HTRA3: variants seen among roughly 807,000 people sequenced by gnomAD.
HTRA3 encodes the protein HtrA serine peptidase 3.
In HTRA3, 41 loss-of-function variants were observed where a neutral mutation model predicts 43.2. That is an observed-to-expected ratio of 0.95 (90% CI 0.74 to 1.23). HTRA3 has a LOEUF of 1.23. Among genes scored for constraint, HTRA3 ranks in the 50% most tolerant of loss-of-function variants. HTRA3 has a pLI of 0.00. For missense variants in HTRA3, 628 were observed against 647.1 expected, an observed-to-expected ratio of 0.97 and a Z score of 0.32; for synonymous variants, 295 against 287.9, an observed-to-expected ratio of 1.02 and a Z score of -0.25.
At position 8,295,704 on chromosome 4, in the gene HTRA3, T is replaced by C; in HGVS notation, c.1051+1503T>C. 7.0e-7 allele frequency: 1 copy of C among 1,418,806 alleles called. No individual in the cohort carries two copies. Among genetic ancestry groups the C allele is most frequent in the Non-Finnish European group, 9.2e-7 (1 of 1,084,386 alleles). 87.9% of individuals were successfully genotyped at this position (1,418,806 alleles called of 1,614,324 possible). A position where few individuals can be genotyped will look rare whatever the true frequency, so the allele number is the denominator to read the frequency against. Reference sequence around the variant, plus strand: ...TGCTGTCTCCTCCCAGCCCCCTCACTGGCAGTTCATTGAGAGCAGGGGGCT... The same window carrying C: ...TGCTGTCTCCTCCCAGCCCCCTCACCGGCAGTTCATTGAGAGCAGGGGGCT... On this transcript the variant is annotated intron_variant, in intron 6 of 8. Transcript: ENST00000307358. This position sits in a 1 kb window ranked among gnomAD's most constrained non-coding sequence, Gnocchi z 6.9.
intron 1 of HTRA3, among the ~76,000 whole-genome samples, chr4:8,280,536 C>T (rs373163219): frequency 3.3e-5 from 5 of 152,276 alleles, no homozygotes; most frequent in African/African-American, 9.6e-5. Context: ...TCGGGCCGCA[C>T]GGCAGCTTCA....
At chr4:8,298,240 C>G (rs1259855368) in intron 6 of HTRA3, among the ~76,000 whole-genome samples, 1 of 152,212 alleles carries the variant, frequency 6.6e-6, no homozygotes, top group African/African-American at 2.4e-5. Flanking sequence ...CCCACTGGAC[C>G]CATGGGTCAG....
chr4:8,293,788 TG>T (rs1410736915), intron 5 of HTRA3, among the ~76,000 whole-genome samples: 2 of 152,162 alleles, frequency 1.3e-5, no homozygotes, highest in East Asian at 1.9e-4. Context: ...GCGGTGTCCT[TG>T]GCCCAGTGGC....
intron 2 of HTRA3, among the ~76,000 whole-genome samples, chr4:8,285,254 G>A (rs1712909694): frequency 6.6e-6 from 1 of 152,172 alleles, no homozygotes; most frequent in African/African-American, 2.4e-5. Flanking sequence ...TTAGGACTTG[G>A]CCGTATCTCT....
rs1194083994 is a variant in HTRA3 at position 8,297,650 on chromosome 4, C to G, written c.1051+3449C>G. On this transcript the variant is annotated intron_variant, in intron 6 of 8. Transcript: ENST00000307358. This position sits in a 1 kb window ranked among gnomAD's most constrained non-coding sequence, Gnocchi z 5.8. ...CTGTGGGAAGGGAGTGGGGCAGGCT[C>G]TGGAGATTGCAGGGGACTCCCAGGC... 6.6e-6 allele frequency among the ~76,000 whole-genome samples: 1 copy of G among 152,058 alleles called. No homozygotes were observed. Among genetic ancestry groups the G allele is most frequent in the East Asian group, 1.9e-4 (1 of 5,168 alleles).
chr4:8,284,557 G>A (rs1386943757), intron 2 of HTRA3, among the ~76,000 whole-genome samples: 2 of 152,242 alleles, frequency 1.3e-5, no homozygotes, highest in African/African-American at 2.4e-5. Flanking sequence ...GTGGGCAGCC[G>A]CGGGCATTTT....
intron 8 of HTRA3, 119 bp from the exon 9 acceptor site, chr4:8,305,852 C>A: frequency 1.8e-6 from 2 of 1,090,118 alleles, no homozygotes; most frequent in Non-Finnish European, 2.8e-6. Context: ...TCTTTCCCAT[C>A]GAGATGACTT....
At position 8,306,683 on chromosome 4, in the gene HTRA3, G is replaced by C. The variant is rs1457860805; in HGVS notation, c.*547G>C. On this transcript the variant is annotated 3_prime_UTR_variant, in exon 9 of 9. Coordinates refer to ENST00000307358, the MANE Select transcript of HTRA3 (RefSeq NM_053044.5). This position sits in a 1 kb window ranked among gnomAD's most constrained non-coding sequence, Gnocchi z 8.9. ...CTTTGGGGTGCGGGGGTGGGGTCCA[G>C]CCCAGAGCAGGCACTGAGTGAATGC... 2.0e-5 allele frequency: 3 copies of C among 153,240 alleles called. No individual in the cohort carries two copies. Among genetic ancestry groups the C allele is most frequent in the Non-Finnish European group, 4.4e-5 (3 of 68,796 alleles). The allele number at this position is 153,240 out of a possible 1,614,324, so 9.5% of individuals were successfully genotyped here.
At chr4:8,272,985 G>A (rs1197443037) in intron 1 of HTRA3, among the ~76,000 whole-genome samples, 2 of 152,224 alleles carry the variant, frequency 1.3e-5, no homozygotes. Context: ...TCCACTCCCT[G>A]TGGAGGCCTT....
In HTRA3 at chr4:8,288,883, TTCCTTCCTTCCGTCCG is replaced by T. The variant is rs769248155; in HGVS notation, c.708+2112_708+2127del. 3.5e-3 allele frequency among the ~76,000 whole-genome samples: 390 copies of T among 111,508 alleles called. 13 individuals are homozygous for T. Among genetic ancestry groups the T allele is most frequent in the African/African-American group, 6.0e-3 (167 of 27,884 alleles). The allele number at this position is 111,508 out of a possible 152,430, so 73.2% of individuals were successfully genotyped here. A position where few individuals can be genotyped will look rare whatever the true frequency, so the allele number is the denominator to read the frequency against. On this transcript the variant is annotated intron_variant, in intron 3 of 8. Coordinates refer to ENST00000307358, the MANE Select transcript of HTRA3 (RefSeq NM_053044.5). ...ACTGCACCCCACCCCCAAATTTTCC[TTCCTTCCTTCCGTCCG>T]TCCTTCCTTCCTTCCTTCCTTCCTT...
Position 8,306,133 on chromosome 4 carries a change from GT to G in HTRA3, c.1360del (p.Ter454GlufsTer79). The stretch of plus-strand genomic sequence containing the variant: ...TCAGCATCGCACCTGAGGTGGTCAT[GT>G]GAGGGGCGCATTCCTCCAGCGCCAA... ...LFSIAPEVVM[*>X] is the part of the protein sequence containing the mutation. On this transcript the variant is annotated frameshift_variant and stop_lost, in exon 9 of 9. Coordinates refer to ENST00000307358, the MANE Select transcript of HTRA3 (RefSeq NM_053044.5). LOFTEE classifies it high-confidence loss of function. This position sits in a 1 kb window ranked among gnomAD's most constrained non-coding sequence, Gnocchi z 8.9. 1 of 1,573,902 alleles carries G rather than the reference GT, an allele frequency of 6.4e-7. No individual in the cohort carries two copies. The highest frequency in any genetic ancestry group is 8.7e-7 in the Non-Finnish European group (1 of 1,155,290).
In HTRA3 at chr4:8,270,307, C is replaced by T. The variant is rs1176634416; in HGVS notation, c.339C>T (p.Leu113=). ...LQAASRRALQ[L]SGTPVRQLQK... is the part of the protein sequence containing the mutation. Reference sequence around the variant, plus strand: ...CGGCCAGCCGCCGCGCGCTGCAGCTCTCCGGGACGCCCGTGCGCCAGCTGC... The same window carrying T: ...CGGCCAGCCGCCGCGCGCTGCAGCTTTCCGGGACGCCCGTGCGCCAGCTGC... Residue 113 remains leucine, a synonymous_variant, in exon 1 of 9, where the codon CTC becomes CTT. Transcript: ENST00000307358. 8.2e-6 allele frequency: 12 copies of T among 1,470,148 alleles called. No individual in the cohort carries two copies. Among genetic ancestry groups the T allele is most frequent in the South Asian group, 1.3e-5 (1 of 76,934 alleles). The allele number at this position is 1,470,148 out of a possible 1,614,324, so 91.1% of individuals were successfully genotyped here.
chr4:8,294,056 A>C, intron 5 of HTRA3, 31 bp from the exon 6 acceptor site: 1 of 1,512,240 alleles, frequency 6.6e-7, no homozygotes, highest in South Asian at 1.2e-5. Flanking sequence ...GGGTTCCCCC[A>C]ACTGATGCCT....
In HTRA3 at chr4:8,286,221, G is replaced by A. The variant is rs1255416621; in HGVS notation, c.486-340G>A. The stretch of plus-strand genomic sequence containing the variant: ...CAGATAATAAGTGGGTCCTGGACTT[G>A]GGATTAGCATCCTGGTCTGTCTGGC... On this transcript the variant is annotated intron_variant, in intron 2 of 8. Transcript: ENST00000307358. This position sits in a 1 kb window ranked among gnomAD's most constrained non-coding sequence, Gnocchi z 4.9. 6.6e-6 allele frequency among the ~76,000 whole-genome samples: 1 copy of A among 152,196 alleles called. No individual in the cohort carries two copies. Among genetic ancestry groups the A allele is most frequent in the Non-Finnish European group, 1.5e-5 (1 of 68,024 alleles).
rs1039754681 is a variant in HTRA3 at position 8,279,990 on chromosome 4, C to T, written c.386-2447C>T. Among the ~76,000 whole-genome samples, 2 of 152,144 alleles carry T rather than the reference C, an allele frequency of 1.3e-5. No homozygotes were observed. Among genetic ancestry groups the T allele is most frequent in the African/African-American group, 2.4e-5 (1 of 41,426 alleles). ...GTGGCTTGAATAAGGCTGTGAGCAG[C>T]GGCAGATTCGGTACAACTGGGGCTG... On this transcript the variant is annotated intron_variant, in intron 1 of 8. Coordinates refer to ENST00000307358, the MANE Select transcript of HTRA3 (RefSeq NM_053044.5). This position sits in a 1 kb window ranked among gnomAD's most constrained non-coding sequence, Gnocchi z 7.4.
intron 1 of HTRA3, among the ~76,000 whole-genome samples, chr4:8,278,432 C>T (rs1431125293): frequency 6.6e-6 from 1 of 150,458 alleles, no homozygotes; most frequent in African/African-American, 2.4e-5. Context: ...CTGGTTGAGA[C>T]TGACTGTTGA....
intron 1 of HTRA3, among the ~76,000 whole-genome samples, chr4:8,278,460 G>A (rs1712616192): frequency 6.6e-6 from 1 of 151,762 alleles, no homozygotes; most frequent in East Asian, 1.9e-4. Context: ...ACTTTGGCTC[G>A]AGGATGGGGT....
intron 2 of HTRA3, among the ~76,000 whole-genome samples, chr4:8,283,404 C>G (rs1402769848): frequency 1.3e-5 from 2 of 152,216 alleles, no homozygotes; most frequent in African/African-American, 4.8e-5. Context: ...TCTCCTACTT[C>G]CCCCATCACA....
chr4:8,300,885 T>A (rs1040071875), intron 6 of HTRA3, among the ~76,000 whole-genome samples: 2 of 151,980 alleles, frequency 1.3e-5, no homozygotes, highest in African/African-American at 2.4e-5. Flanking sequence ...TGATTCACAC[T>A]CATCTTTATT....
Sources: gnomAD v4.1 joint callset for allele counts (sites outside exome capture counted in the v4.1 genomes callset) on GRCh38, gnomAD v4.1.1 for gene constraint, Gnocchi (gnomAD v3.1) non-coding constraint, MANE v1.5 for transcripts, NCBI Gene and HGNC (gene_info 2026-07-23, HGNC 2026-07-21) for gene names.